FTCDNL1: variants seen among roughly 807,000 people sequenced by gnomAD.
FTCDNL1 encodes formiminotransferase N-terminal subdomain-containing protein.
A neutral mutation model predicts 5.9 loss-of-function variants in FTCDNL1; 11 were observed. That is an observed-to-expected ratio of 1.87 (90% confidence interval 1.18 to 3.10). The LOEUF (loss-of-function observed/expected upper bound fraction) is 3.10, where lower values mean the gene tolerates loss of function less well. Among genes scored for constraint, FTCDNL1 ranks in the 30% most tolerant of loss-of-function variants. FTCDNL1 has a pLI of 0.00. For missense variants in FTCDNL1, 115 were observed against 65.5 expected, an observed-to-expected ratio of 1.76 and a Z score of -2.61; for synonymous variants, 58 against 24.8, an observed-to-expected ratio of 2.34 and a Z score of -3.99.
intron 3 of FTCDNL1, among the ~76,000 whole-genome samples, chr2:199,775,043 T>A (rs1308929851): frequency 1.3e-5 from 2 of 152,240 alleles, no homozygotes; most frequent in Admixed American, 1.3e-4. Context: ...ATAGTTTCAG[T>A]GCTATAGAAT....
In FTCDNL1 at chr2:199,812,671, A is replaced by T; in HGVS notation, c.*34T>A. The stretch of plus-strand genomic sequence containing the variant: ...TGGCAGCACGGATCCCCTCACTGCA[A>T]GGCTGAAATTCCAATTTTCTTCCAA... On this transcript the variant is annotated 3_prime_UTR_variant, in exon 5 of 5. Coordinates refer to ENST00000420128, the MANE Select transcript of FTCDNL1 (RefSeq NM_001363886.2). 2 of 698,038 alleles carry T rather than the reference A, an allele frequency of 2.9e-6. No individual in the cohort carries two copies. The highest frequency in any genetic ancestry group is 2.6e-6 in the Non-Finnish European group (1 of 383,260). The allele number at this position is 698,038 out of a possible 1,614,324, so 43.2% of individuals were successfully genotyped here.
At chr2:199,708,941 G>A in the FTCDNL1 span, among the ~76,000 whole-genome samples, 18 of 152,068 alleles carry the variant, frequency 1.2e-4, no homozygotes, top group Non-Finnish European at 2.1e-4. Flanking sequence ...CAGATACCCT[G>A]AACACTGGTT....
In FTCDNL1 at chr2:199,810,219, C is replaced by T. The variant is rs1279312000; in HGVS notation, c.*2486G>A. ...GAGTCTCAGAGACAGGAGTAAATCA[C>T]ACCTCTGTACCCACCACTCCCTCTC... On this transcript the variant is annotated 3_prime_UTR_variant, in exon 5 of 5. Transcript: ENST00000420128. Among the ~76,000 whole-genome samples the T allele has an allele frequency of 6.6e-6, 1 of 152,096 alleles. No individual in the cohort carries two copies. Among genetic ancestry groups the T allele is most frequent in the African/African-American group, 2.4e-5 (1 of 41,410 alleles).
At position 199,812,525 on chromosome 2, in the gene FTCDNL1, A is replaced by G. The variant is rs1701094447; in HGVS notation, c.*180T>C. On this transcript the variant is annotated 3_prime_UTR_variant, in exon 5 of 5. Coordinates refer to ENST00000420128, the MANE Select transcript of FTCDNL1 (RefSeq NM_001363886.2). ...CAAATCGTATTTCTAGTTAAATGTC[A>G]TATAATTAAAGTAATTCCACTTTTT... 1.3e-5 allele frequency: 6 copies of G among 448,980 alleles called. No homozygotes were observed. The highest frequency in any genetic ancestry group is 2.0e-5 in the Non-Finnish European group (5 of 254,990). 27.8% of individuals were successfully genotyped at this position (448,980 alleles called of 1,614,324 possible).
chr2:199,790,927 G>A (rs1384686038), intron 3 of FTCDNL1, among the ~76,000 whole-genome samples: 1 of 152,006 alleles, frequency 6.6e-6, no homozygotes, highest in African/African-American at 2.4e-5. Context: ...ACTCTTTAAC[G>A]CTGCAATCTC....
chr2:199,830,448 C>T (rs1702296356), intron 3 of FTCDNL1, among the ~76,000 whole-genome samples: 1 of 152,080 alleles, frequency 6.6e-6, no homozygotes, highest in Non-Finnish European at 1.5e-5. Context: ...CTTTGCAATT[C>T]AAAATTATTT....
chr2:199,821,335 T>TA (rs1421266817), intron 3 of FTCDNL1, among the ~76,000 whole-genome samples: 2 of 87,652 alleles, frequency 2.3e-5, no homozygotes, highest in Non-Finnish European at 5.2e-5. Context: ...TTTTTTTTTT[T>TA]TTTTTTAGTA....
At chr2:199,798,896 G>A (rs564949328) in intron 3 of FTCDNL1, among the ~76,000 whole-genome samples, 6 of 152,302 alleles carry the variant, frequency 3.9e-5, no homozygotes, top group Admixed American at 1.3e-4. Context: ...TACCAATGGC[G>A]TTTTCTTACA....
At chr2:199,706,958 G>C in the FTCDNL1 span, among the ~76,000 whole-genome samples, 1 of 152,240 alleles carries the variant, frequency 6.6e-6, no homozygotes, top group African/African-American at 2.4e-5. Context: ...TTGACATAGG[G>C]ATCTGGGCTA....
At chr2:199,795,116 A>T (rs1700109569) in intron 3 of FTCDNL1, among the ~76,000 whole-genome samples, 1 of 152,200 alleles carries the variant, frequency 6.6e-6, no homozygotes, top group Admixed American at 6.5e-5. Flanking sequence ...TTTGACTTGG[A>T]CTGCTGCAAA....
chr2:199,688,821 T>C, the FTCDNL1 span, among the ~76,000 whole-genome samples: 2 of 152,342 alleles, frequency 1.3e-5, no homozygotes, highest in Non-Finnish European at 2.9e-5. Flanking sequence ...CTCGGGTTGA[T>C]AGTGAATTCC....
At chr2:199,845,572 G>GA (rs959940720) in intron 3 of FTCDNL1, among the ~76,000 whole-genome samples, 5 of 147,162 alleles carry the variant, frequency 3.4e-5, no homozygotes, top group Non-Finnish European at 1.5e-5. Flanking sequence ...CTCTTATCTC[G>GA]AAAAAAAAAA....
intron 3 of FTCDNL1, among the ~76,000 whole-genome samples, chr2:199,836,345 T>C (rs1702738352): frequency 6.6e-6 from 1 of 152,080 alleles, no homozygotes; most frequent in Admixed American, 6.5e-5. Context: ...TTTTTATTTT[T>C]ATTCTTTGTA....
the FTCDNL1 span, among the ~76,000 whole-genome samples, chr2:199,733,136 C>G: frequency 6.6e-6 from 1 of 152,094 alleles, no homozygotes; most frequent in South Asian, 2.1e-4. Context: ...GCCATAAGCA[C>G]AGAATGATGG....
At chr2:199,843,565 G>C (rs1290526833) in intron 3 of FTCDNL1, among the ~76,000 whole-genome samples, 1 of 152,128 alleles carries the variant, frequency 6.6e-6, no homozygotes, top group Non-Finnish European at 1.5e-5. Context: ...TACTCCTTTG[G>C]AAGCAAGTCT....
the FTCDNL1 span, among the ~76,000 whole-genome samples, chr2:199,739,299 C>T: frequency 2.6e-5 from 4 of 152,276 alleles, no homozygotes; most frequent in Admixed American, 1.3e-4. Context: ...ACTTCGGAAT[C>T]GGGGTGCTCT....
chr2:199,681,448 C>T, the FTCDNL1 span, among the ~76,000 whole-genome samples: 1 of 151,584 alleles, frequency 6.6e-6, no homozygotes, highest in Non-Finnish European at 1.5e-5. Context: ...AAGAGTGAAA[C>T]CCCATCTCCA....
At chr2:199,821,044 A>G (rs1401380978) in intron 3 of FTCDNL1, among the ~76,000 whole-genome samples, 1 of 152,226 alleles carries the variant, frequency 6.6e-6, no homozygotes, top group Non-Finnish European at 1.5e-5. Context: ...ATTCTAATTC[A>G]GGCTGCCATG....
chr2:199,842,264 T>C (rs2076610362), intron 3 of FTCDNL1, among the ~76,000 whole-genome samples: 1 of 152,042 alleles, frequency 6.6e-6, no homozygotes, highest in African/African-American at 2.4e-5. Context: ...CAAGACTCCA[T>C]CTCAAAAAAT....
Sources: allele counts gnomAD v4.1 joint callset (sites outside exome capture counted in the v4.1 genomes callset), GRCh38; gene constraint gnomAD v4.1.1; transcripts MANE v1.5; gene names NCBI Gene and HGNC (gene_info 2026-07-23, HGNC 2026-07-21).